Variants in TTC13 observed in about 807,000 individuals in gnomAD.
TTC13 encodes the protein tetratricopeptide repeat protein 13.
TTC13 carries 62 observed loss-of-function variants against 120.0 expected under a neutral mutation model. That is an observed-to-expected ratio of 0.52 (90% CI 0.42 to 0.64). The LOEUF is 0.64. Among genes scored for constraint, TTC13 ranks in the 30% least tolerant of loss-of-function variants. The pLI is 0.00. For missense variants in TTC13, 824 were observed against 1,050.2 expected, an observed-to-expected ratio of 0.78 and a Z score of 2.98; for synonymous variants, 384 against 393.5, an observed-to-expected ratio of 0.98 and a Z score of 0.28.
Position 230,931,435 on chromosome 1 carries a change from T to A in TTC13, c.1163A>T (p.Gln388Leu). Residue 388 changes from glutamine (Q) to leucine (L), a missense_variant, in exon 11 of 23, where the codon CAG (glutamine) becomes CTG (leucine). By Grantham distance (113) the Gln-to-Leu change is moderately radical. This residue lies in a region of TTC13 where 430 missense variants were observed against 626.8 expected (regional missense o/e 0.69). Coordinates refer to ENST00000366661, the MANE Select transcript of TTC13 (RefSeq NM_024525.5). ...AACATGGCTGAGCCCTTTCATATAC[T>A]GGCACACTTCATTATATGGCTCTAG... The part of the protein sequence containing the change: ...LQLEPYNEVC[Q>L]YMKGLSHVAM... 1 of 1,614,246 alleles carries A rather than the reference T, an allele frequency of 6.2e-7. No homozygotes were observed. The highest frequency in any genetic ancestry group is 8.5e-7 in the Non-Finnish European group (1 of 1,180,050).
intron 1 of TTC13, among the ~76,000 whole-genome samples, chr1:230,968,150 T>C (rs1677317046): frequency 6.7e-6 from 1 of 149,582 alleles, no homozygotes; most frequent in Admixed American, 6.7e-5. Flanking sequence ...TTCTTCTTTT[T>C]TTTATCACTT....
chr1:230,908,690 T>C (rs749057300), intron 22 of TTC13, 22 bp downstream of exon 22: 3 of 1,604,080 alleles, frequency 1.9e-6, no homozygotes, highest in Non-Finnish European at 1.7e-6. Flanking sequence ...TACCCTTGTG[T>C]GGACCCCCCT....
chr1:230,922,909 C>T (rs1196704462), intron 15 of TTC13, among the ~76,000 whole-genome samples: 2 of 151,960 alleles, frequency 1.3e-5, no homozygotes, highest in Admixed American at 6.6e-5. Flanking sequence ...CGGTAGCCTT[C>T]GATTAAAGTT....
intron 2 of TTC13, among the ~76,000 whole-genome samples, chr1:230,959,774 C>A (rs1054537774): frequency 2.0e-5 from 3 of 152,218 alleles, no homozygotes; most frequent in African/African-American, 7.2e-5. Flanking sequence ...AGAAGCTATG[C>A]TCAAGTAAGT....
chr1:230,919,953 C>T (rs1572190232), intron 17 of TTC13, among the ~76,000 whole-genome samples: 1 of 152,162 alleles, frequency 6.6e-6, no homozygotes, highest in Admixed American at 6.5e-5. Flanking sequence ...AAAAGGAGTG[C>T]TCACATTAAC....
At chr1:230,960,430 A>C (rs1387132793) in intron 2 of TTC13, among the ~76,000 whole-genome samples, 14 of 152,174 alleles carry the variant, frequency 9.2e-5, no homozygotes, top group Non-Finnish European at 2.1e-4. Flanking sequence ...GCCCCTTCTG[A>C]TTTTGGGCAA....
intron 4 of TTC13, among the ~76,000 whole-genome samples, chr1:230,948,170 T>C (rs1266053148): frequency 6.6e-6 from 1 of 152,126 alleles, no homozygotes; most frequent in African/African-American, 2.4e-5. Flanking sequence ...CTTTTTAAAC[T>C]CCAAATCACT....
At chr1:230,955,479 C>T (rs1333669754) in intron 3 of TTC13, among the ~76,000 whole-genome samples, 5 of 149,002 alleles carry the variant, frequency 3.4e-5, no homozygotes, top group Admixed American at 2.7e-4. Context: ...CTGGCTAACA[C>T]GGTGAAACCC....
intron 9 of TTC13, among the ~76,000 whole-genome samples, chr1:230,933,417 G>A (rs562323992): frequency 9.9e-5 from 15 of 152,070 alleles, no homozygotes; most frequent in South Asian, 2.1e-4. Context: ...CTTCATTCTA[G>A]GACTCTTCAA....
rs577433044 is a variant in TTC13 at position 230,962,484 on chromosome 1, C to G, written c.272-1181G>C. ...TAGCAAGAATGTAGAAAAATTGGAA[C>G]CCTTGTGCATTGCTGGTGGGAGTGT... On this transcript the variant is annotated intron_variant, in intron 1 of 22. Transcript: ENST00000366661. 2.6e-5 allele frequency among the ~76,000 whole-genome samples: 4 copies of G among 152,190 alleles called. No individual in the cohort carries two copies. In the East Asian group the frequency reaches 7.7e-4, roughly 29 times the overall value.
At chr1:230,967,757 T>G (rs1261550017) in intron 1 of TTC13, among the ~76,000 whole-genome samples, 1 of 152,240 alleles carries the variant, frequency 6.6e-6, no homozygotes, top group East Asian at 1.9e-4. Context: ...TTAATTACTT[T>G]ACTATCATAA....
chr1:230,933,535 C>T (rs1449103990), intron 9 of TTC13, among the ~76,000 whole-genome samples: 1 of 152,146 alleles, frequency 6.6e-6, no homozygotes, highest in Non-Finnish European at 1.5e-5. Context: ...GAAGGATGAA[C>T]GTTTTCTAGA....
At chr1:230,936,390 CCCA>C in intron 8 of TTC13, 1 of 380,806 alleles carries the variant, frequency 2.6e-6, no homozygotes, top group Non-Finnish European at 5.2e-6. Flanking sequence ...CAAATGCCAT[CCCA>C]CCATTTTCAG....
chr1:230,957,429 C>T (rs1045690436), intron 3 of TTC13, among the ~76,000 whole-genome samples: 1 of 152,150 alleles, frequency 6.6e-6, no homozygotes. Flanking sequence ...AGAGCAAGAC[C>T]CTGCACTAAC....
chr1:230,973,301 G>A (rs756196163), intron 1 of TTC13, among the ~76,000 whole-genome samples: 18 of 152,122 alleles, frequency 1.2e-4, no homozygotes, highest in Non-Finnish European at 2.2e-4. Context: ...TATTTAAATG[G>A]CCAATTCCTT....
chr1:230,960,728 A>G (rs1676548856), intron 2 of TTC13, among the ~76,000 whole-genome samples: 1 of 152,186 alleles, frequency 6.6e-6, no homozygotes, highest in Admixed American at 6.5e-5. Flanking sequence ...GTGTGAACAA[A>G]AAGAAGACCC....
chr1:230,921,369 TA>T, intron 16 of TTC13, 51 bp downstream of exon 16: 5 of 1,094,256 alleles, frequency 4.6e-6, no homozygotes, highest in Non-Finnish European at 4.1e-6. Flanking sequence ...ATAACAAATA[TA>T]AAACACATGA....
At chr1:230,907,904 T>C (rs1671092187) in intron 22 of TTC13, among the ~76,000 whole-genome samples, 1 of 152,144 alleles carries the variant, frequency 6.6e-6, no homozygotes, top group South Asian at 2.1e-4. Context: ...ACACTTCAAA[T>C]TCACACAGTC....
At chr1:230,970,019 G>C (rs1437972571) in intron 1 of TTC13, among the ~76,000 whole-genome samples, 1 of 152,154 alleles carries the variant, frequency 6.6e-6, no homozygotes, top group Non-Finnish European at 1.5e-5. Flanking sequence ...GGCACACTGT[G>C]CCCACTGTAC....
Sources: gnomAD v4.1 joint callset for allele counts (sites outside exome capture counted in the v4.1 genomes callset) on GRCh38, gnomAD v4.1.1 for gene constraint, gnomAD v4.1.1 regional missense constraint, MANE v1.5 for transcripts, NCBI Gene and HGNC (gene_info 2026-07-23, HGNC 2026-07-21) for gene names.